The following SLC2A10 variants were observed in gnomAD, a reference collection of about 807,000 sequenced individuals.
SLC2A10 encodes solute carrier family 2, facilitated glucose transporter member 10.
A neutral mutation model predicts 32.1 loss-of-function variants in SLC2A10; 25 were observed. That is an observed-to-expected ratio of 0.78 (90% CI 0.57 to 1.09). The LOEUF (loss-of-function observed/expected upper bound fraction) is 1.09. Ranked by LOEUF, SLC2A10 falls within the 50% of genes least tolerant of loss-of-function variation. The probability of loss-of-function intolerance (pLI) is 0.00; values close to 1 mark genes in which losing one functional copy is unlikely to be tolerated. For missense variants in SLC2A10, 673 were observed against 686.5 expected (o/e 0.98, Z 0.22); for synonymous variants, 332 against 309.6 (o/e 1.07, Z -0.76).
At position 46,734,437 on chromosome 20, in the gene SLC2A10, C is replaced by A. The variant is rs1980470886; in HGVS notation, c.*603C>A. 6.3e-6 allele frequency: 1 copy of A among 159,932 alleles called. No homozygotes were observed. The highest frequency in any genetic ancestry group is 2.4e-5 in the African/African-American group (1 of 41,420). The allele number at this position is 159,932 out of a possible 1,614,324, so 9.9% of individuals were successfully genotyped here. ...GGGACTACAGGCGCATGCAACCATACCCAGCTAATTTATTTTTAGCAGAGA... is the reference window on the plus strand; with the variant it reads ...GGGACTACAGGCGCATGCAACCATAACCAGCTAATTTATTTTTAGCAGAGA... On this transcript the variant is annotated 3_prime_UTR_variant, in exon 5 of 5. Coordinates refer to ENST00000359271, the MANE Select transcript of SLC2A10 (RefSeq NM_030777.4).
chr20:46,733,957 G>A lies in SLC2A10; in HGVS notation c.*123G>A. On this transcript the variant is annotated 3_prime_UTR_variant, in exon 5 of 5. Transcript: ENST00000359271. ...TTTGGGAGTGGCCCCTGCCCCCAAA[G>A]GTGGTCTGCTTTTGCTGGGGTAAAA... 1 of 899,536 alleles carries A rather than the reference G, an allele frequency of 1.1e-6. No individual in the cohort carries two copies. The highest frequency in any genetic ancestry group is 2.6e-5 in the East Asian group (1 of 38,108). 55.7% of individuals were successfully genotyped at this position (899,536 alleles called of 1,614,324 possible).
chr20:46,710,019 G>A (rs1357005123), intron 1 of SLC2A10: 7 of 525,586 alleles, frequency 1.3e-5, no homozygotes, highest in Non-Finnish European at 1.0e-5. Flanking sequence ...CGGGCGCCCT[G>A]ATCCGACAGC....
At chr20:46,712,083 A>G (rs1417822324) in intron 1 of SLC2A10, among the ~76,000 whole-genome samples, 2 of 152,208 alleles carry the variant, frequency 1.3e-5, no homozygotes, top group Non-Finnish European at 2.9e-5. Flanking sequence ...GGGAATGACA[A>G]TAGTGATTGT....
At chr20:46,732,789 G>A (rs1190920361) in intron 4 of SLC2A10, among the ~76,000 whole-genome samples, 1 of 151,714 alleles carries the variant, frequency 6.6e-6, no homozygotes, top group Non-Finnish European at 1.5e-5. Context: ...GCTCTGAGCT[G>A]AGACTGGAAT....
At chr20:46,718,598 C>T (rs1313965647) in intron 1 of SLC2A10, among the ~76,000 whole-genome samples, 1 of 152,052 alleles carries the variant, frequency 6.6e-6, no homozygotes, top group East Asian at 1.9e-4. Context: ...CCCACAGGCC[C>T]ATTTTTTATG....
At chr20:46,723,518 A>G (rs1979676296) in intron 1 of SLC2A10, among the ~76,000 whole-genome samples, 1 of 152,248 alleles carries the variant, frequency 6.6e-6, no homozygotes, top group Admixed American at 6.5e-5. Context: ...CAGCAAGAGC[A>G]ATATTTTAAA....
intron 1 of SLC2A10, among the ~76,000 whole-genome samples, chr20:46,719,137 G>A (rs1979415650): frequency 6.6e-6 from 1 of 150,950 alleles, no homozygotes; most frequent in African/African-American, 2.4e-5. Context: ...GGGTGTTGTT[G>A]TTACTGGTTG....
chr20:46,719,046 C>T (rs976833065), intron 1 of SLC2A10, among the ~76,000 whole-genome samples: 5 of 152,150 alleles, frequency 3.3e-5, no homozygotes, highest in African/African-American at 9.7e-5. Flanking sequence ...CCTCCCAAAG[C>T]GATGAGATTA....
intron 1 of SLC2A10, among the ~76,000 whole-genome samples, chr20:46,724,672 T>C (rs931511589): frequency 1.4e-5 from 2 of 145,440 alleles, no homozygotes; most frequent in Non-Finnish European, 3.0e-5. Context: ...GATGGATGGA[T>C]GGTTGGAGTG....
upstream of SLC2A10, among the ~76,000 whole-genome samples, chr20:46,708,708 TC>T (rs769971191): frequency 9.2e-5 from 14 of 152,344 alleles, no homozygotes; most frequent in South Asian, 2.3e-3. Flanking sequence ...TCCCCAGTTA[TC>T]TGTCCTGCTG....
upstream of SLC2A10, among the ~76,000 whole-genome samples, chr20:46,708,364 G>C (rs1240776859): frequency 6.6e-6 from 1 of 152,190 alleles, no homozygotes; most frequent in East Asian, 1.9e-4. Flanking sequence ...TGCTGGGCTT[G>C]TACGTGCATT....
Position 46,725,971 on chromosome 20 carries a change from G to C in SLC2A10, c.935G>C (p.Ser312Thr). 6.2e-7 allele frequency: 1 copy of C among 1,613,872 alleles called. No individual in the cohort carries two copies. The highest frequency in any genetic ancestry group is 8.5e-7 in the Non-Finnish European group (1 of 1,180,044). Residue 312 changes from serine to threonine, a missense_variant, in exon 2 of 5, where the codon AGT becomes ACT. Physicochemically the swap from Ser to Thr is moderately conservative, Grantham distance 58. Transcript: ENST00000359271. ...AGCALMALSV[S>T]GIGLVSFAVP... Reference sequence around the variant, plus strand: ...TGTGCCCTCATGGCCCTGTCCGTCAGTGGCATAGGCCTCGTCAGCTTTGCC... The same window carrying C: ...TGTGCCCTCATGGCCCTGTCCGTCACTGGCATAGGCCTCGTCAGCTTTGCC...
At chr20:46,731,640 G>T (rs1006118247) in intron 4 of SLC2A10, among the ~76,000 whole-genome samples, 2 of 152,054 alleles carry the variant, frequency 1.3e-5, no homozygotes, top group East Asian at 3.9e-4. Flanking sequence ...CTGGAGGCTG[G>T]GTCTGCTATG....
At position 46,731,130 on chromosome 20, in the gene SLC2A10, G is replaced by A. The variant is rs113796137; in HGVS notation, c.1547+1642G>A. Among the ~76,000 whole-genome samples, 39 of 152,318 alleles carry A rather than the reference G, an allele frequency of 2.6e-4. 1 individual carries two copies. Among genetic ancestry groups the A allele is most frequent in the African/African-American group, 8.7e-4 (36 of 41,572 alleles). On this transcript the variant is annotated intron_variant, in intron 4 of 4. Coordinates refer to ENST00000359271, the MANE Select transcript of SLC2A10 (RefSeq NM_030777.4). ...GCTGCTTGAAGTCGTCCAAATGTCG[G>A]TTGGGGGTCCAGGGTTGGGTGGATG...
chr20:46,713,845 C>G (rs1979070654), intron 1 of SLC2A10, among the ~76,000 whole-genome samples: 1 of 152,150 alleles, frequency 6.6e-6, no homozygotes. Flanking sequence ...CAGGACGAGT[C>G]AGTCTCTATC....
At chr20:46,726,805 A>G in intron 2 of SLC2A10, 59 bp from the exon 3 acceptor site, 1 of 1,611,890 alleles carries the variant, frequency 6.2e-7, no homozygotes, top group Non-Finnish European at 8.5e-7. Flanking sequence ...GTTTGACCTG[A>G]TGGTGCCAGG....
chr20:46,721,764 A>G (rs1401017068), intron 1 of SLC2A10, among the ~76,000 whole-genome samples: 1 of 152,228 alleles, frequency 6.6e-6, no homozygotes, highest in Non-Finnish European at 1.5e-5. Context: ...TTGTTTCTGT[A>G]ACTTGAAATT....
intron 4 of SLC2A10, among the ~76,000 whole-genome samples, chr20:46,731,056 T>A (rs1165932737): frequency 6.6e-6 from 1 of 152,204 alleles, no homozygotes; most frequent in Non-Finnish European, 1.5e-5. Context: ...TTCTGCAGTT[T>A]CGGCAGGCGC....
Position 46,725,835 on chromosome 20 carries a change from TCCTCAGCCGTG to T in SLC2A10, c.801_811del (p.Ser268GlyfsTer90). On this transcript the variant is annotated frameshift_variant, in exon 2 of 5. Transcript: ENST00000359271. LOFTEE classifies it high-confidence loss of function. ...CAGCTCCGTTGGTTTCCATGGGGGA[TCCTCAGCCGTG>T]CTGGCCTCTGTGGGGCTTGGCGCAG... 4 of 1,614,256 alleles carry T rather than the reference TCCTCAGCCGTG, an allele frequency of 2.5e-6. No homozygotes were observed. Among genetic ancestry groups the T allele is most frequent in the Non-Finnish European group, 3.4e-6 (4 of 1,180,040 alleles).
Sources: gnomAD v4.1 joint callset for allele counts (sites outside exome capture counted in the v4.1 genomes callset) on GRCh38, gnomAD v4.1.1 for gene constraint, MANE v1.5 for transcripts, NCBI Gene and HGNC (gene_info 2026-07-23, HGNC 2026-07-21) for gene names.